Variants in CNTNAP5 observed in about 807,000 individuals in gnomAD.
CNTNAP5 encodes the protein contactin associated protein family member 5.
CNTNAP5 carries 72 observed loss-of-function variants against 150.2 expected under a neutral mutation model. The observed-to-expected ratio is 0.48, with a 90% CI of 0.40 to 0.58. CNTNAP5 has a LOEUF of 0.58. Among genes scored for constraint, CNTNAP5 ranks in the 20% least tolerant of loss-of-function variants. CNTNAP5 has a pLI of 0.00. For missense variants in CNTNAP5, 1,636 were observed against 1,626.2 expected, an observed-to-expected ratio of 1.01 and a Z score of -0.10; for synonymous variants, 672 against 619.8, an observed-to-expected ratio of 1.08 and a Z score of -1.25.
At chr2:124,264,620 A>G (rs1349886530) in intron 3 of CNTNAP5, among the ~76,000 whole-genome samples, 1 of 152,164 alleles carries the variant, frequency 6.6e-6, no homozygotes, top group Non-Finnish European at 1.5e-5. Context: ...GACTGAAATT[A>G]GGTTGTCAGT....
intron 12 of CNTNAP5, among the ~76,000 whole-genome samples, chr2:124,643,290 A>G (rs561108079): frequency 1.4e-4 from 21 of 152,290 alleles, no homozygotes; most frequent in African/African-American, 4.3e-4. Flanking sequence ...TATGTGTCTA[A>G]TTGTGGGATT....
chr2:124,308,612 T>G (rs926685465), intron 3 of CNTNAP5, among the ~76,000 whole-genome samples: 1 of 152,216 alleles, frequency 6.6e-6, no homozygotes, highest in Non-Finnish European at 1.5e-5. Context: ...GTTTGAGTGA[T>G]AAAATAAGAA....
chr2:124,175,756 A>G (rs1381666897), intron 1 of CNTNAP5, among the ~76,000 whole-genome samples: 2 of 152,208 alleles, frequency 1.3e-5, no homozygotes, highest in African/African-American at 2.4e-5. Context: ...TGCAGAGGAC[A>G]TGGCTTTATT....
intron 1 of CNTNAP5, among the ~76,000 whole-genome samples, chr2:124,131,284 T>C (rs1683836907): frequency 6.6e-6 from 1 of 152,190 alleles, no homozygotes; most frequent in Admixed American, 6.5e-5. Flanking sequence ...AACCATGCCC[T>C]CGTTAAGATC....
At chr2:124,497,458 C>T (rs1208972117) in intron 7 of CNTNAP5, among the ~76,000 whole-genome samples, 1 of 152,164 alleles carries the variant, frequency 6.6e-6, no homozygotes, top group Admixed American at 6.5e-5. Context: ...AAATATAAGG[C>T]AAAGCCAGCA....
chr2:124,393,389 A>G (rs2104750766), intron 3 of CNTNAP5, among the ~76,000 whole-genome samples: 1 of 152,270 alleles, frequency 6.6e-6, no homozygotes, highest in Middle Eastern at 3.4e-3. Context: ...GCAGTATCAG[A>G]ATAGACTTCT....
At chr2:124,663,734 A>T (rs1246404984) in intron 13 of CNTNAP5, among the ~76,000 whole-genome samples, 6 of 152,178 alleles carry the variant, frequency 3.9e-5, no homozygotes, top group Non-Finnish European at 7.3e-5. Flanking sequence ...TCTTAGGTAC[A>T]TAACCCTTTG....
intron 17 of CNTNAP5, among the ~76,000 whole-genome samples, chr2:124,786,398 A>AGAAAGAAAGAAGGAAGGAAGGAAG (rs1553442119): frequency 4.4e-5 from 2 of 45,224 alleles, no homozygotes; most frequent in African/African-American, 9.8e-5. Flanking sequence ...AAAGAAAGAA[A>AGAAAGAAAGAAGGAAGGAAGGAAG]GAAGGAAGGA....
intron 3 of CNTNAP5, among the ~76,000 whole-genome samples, chr2:124,261,664 TGCCTTGTAACCAG>T (rs947023593): frequency 2.0e-5 from 3 of 152,158 alleles, no homozygotes; most frequent in African/African-American, 7.2e-5. Flanking sequence ...CCGCAGTGTT[TGCCTTGTAACCAG>T]GCCATTCTGT....
chr2:124,267,079 A>G (rs1687626863), intron 3 of CNTNAP5, among the ~76,000 whole-genome samples: 1 of 151,700 alleles, frequency 6.6e-6, no homozygotes, highest in Non-Finnish European at 1.5e-5. Flanking sequence ...TTATGGTAAA[A>G]CTCTATTTTA....
chr2:124,640,163 C>T (rs1261296623), intron 12 of CNTNAP5, among the ~76,000 whole-genome samples: 2 of 152,158 alleles, frequency 1.3e-5, no homozygotes, highest in African/African-American at 2.4e-5. Context: ...AAATATGATA[C>T]AGTGCACATA....
chr2:124,148,295 T>G (rs1684304597), intron 1 of CNTNAP5, among the ~76,000 whole-genome samples: 2 of 147,184 alleles, frequency 1.4e-5, no homozygotes, highest in African/African-American at 5.0e-5. Flanking sequence ...CGAGACCCCC[T>G]CTAAAAAAAA....
chr2:124,685,802 A>C (rs977591087), intron 13 of CNTNAP5, among the ~76,000 whole-genome samples: 2 of 151,636 alleles, frequency 1.3e-5, no homozygotes. Flanking sequence ...TAGCGAGGGA[A>C]TGAATGGCAC....
chr2:124,687,832 G>A (rs995910364), intron 13 of CNTNAP5, among the ~76,000 whole-genome samples: 1 of 152,072 alleles, frequency 6.6e-6, no homozygotes, highest in Admixed American at 6.6e-5. Flanking sequence ...AAATGTGGAG[G>A]TATGTTATGT....
At chr2:124,425,928 T>A (rs1054878385) in intron 4 of CNTNAP5, among the ~76,000 whole-genome samples, 2 of 152,200 alleles carry the variant, frequency 1.3e-5, no homozygotes, top group African/African-American at 4.8e-5. Flanking sequence ...CTATGGAAGT[T>A]CCCTAAAATG....
intron 19 of CNTNAP5, among the ~76,000 whole-genome samples, chr2:124,835,463 C>T (rs943952649): frequency 6.6e-6 from 1 of 152,166 alleles, no homozygotes; most frequent in Admixed American, 6.6e-5. Context: ...TCCATCCTGA[C>T]AGCCTCTGGC....
intron 13 of CNTNAP5, among the ~76,000 whole-genome samples, chr2:124,736,187 G>A (rs1023323602): frequency 2.0e-5 from 3 of 152,002 alleles, no homozygotes; most frequent in Non-Finnish European, 4.4e-5. Flanking sequence ...CAGAGATCAC[G>A]CCATTGCACT....
Position 124,481,980 on chromosome 2 carries a change from G to A in CNTNAP5, c.1062+7098G>A, listed in dbSNP as rs374719149. ...CCCACTGGCCGTGTATACAGGAGAC[G>A]GCTTATCCTGCTAGTTTCACCTGAT... On this transcript the variant is annotated intron_variant, in intron 7 of 23. Transcript: ENST00000682447. Among the ~76,000 whole-genome samples, 231 of 152,260 alleles carry A rather than the reference G, an allele frequency of 1.5e-3. 2 individuals carry two copies. The highest frequency in any genetic ancestry group is 5.5e-3 in the African/African-American group (228 of 41,536).
chr2:124,189,143 A>G (rs1340048277), intron 1 of CNTNAP5, among the ~76,000 whole-genome samples: 2 of 152,160 alleles, frequency 1.3e-5, no homozygotes, highest in African/African-American at 4.8e-5. Context: ...GGAGAGAAAT[A>G]TTTGTCAAGC....
Sources: allele counts gnomAD v4.1 joint callset (sites outside exome capture counted in the v4.1 genomes callset), GRCh38; gene constraint gnomAD v4.1.1; transcripts MANE v1.5; gene names NCBI Gene and HGNC (gene_info 2026-07-23, HGNC 2026-07-21).